OSBP2: variants seen among roughly 807,000 people sequenced by gnomAD.
OSBP2 encodes the protein oxysterol-binding protein 2.
In OSBP2, 66 loss-of-function variants were observed where a neutral mutation model predicts 96.0. That is an observed-to-expected ratio of 0.69 (90% CI 0.56 to 0.84). The LOEUF (loss-of-function observed/expected upper bound fraction) is 0.84, where lower values mean the gene tolerates loss of function less well. OSBP2 is among the 40% of genes least tolerant of loss of function. The pLI is 0.00. For missense variants in OSBP2, 1,038 were observed against 1,222.7 expected, an observed-to-expected ratio of 0.85 and a Z score of 2.25; for synonymous variants, 525 against 520.9, an observed-to-expected ratio of 1.01 and a Z score of -0.11.
At chr22:30,825,140 C>T (rs2038370470) in intron 2 of OSBP2, among the ~76,000 whole-genome samples, 1 of 152,192 alleles carries the variant, frequency 6.6e-6, no homozygotes. Context: ...TGGCCTTCAG[C>T]CGACTTCTTA....
intron 2 of OSBP2, among the ~76,000 whole-genome samples, chr22:30,782,044 G>T (rs1161260273): frequency 6.6e-6 from 1 of 152,114 alleles, no homozygotes; most frequent in African/African-American, 2.4e-5. Context: ...TATTTGAGAG[G>T]CTGAGGCAGG....
At chr22:30,816,748 T>G (rs2091088786) in intron 2 of OSBP2, among the ~76,000 whole-genome samples, 1 of 152,158 alleles carries the variant, frequency 6.6e-6, no homozygotes, top group Non-Finnish European at 1.5e-5. Context: ...TCTTTTCCTT[T>G]TCTTTTTTGA....
chr22:30,881,395 G>C lies in OSBP2; in HGVS notation c.1108-6031G>C, dbSNP rs1373294783. ...ATGCAGGGCCCAGGTACCACCTCCA[G>C]CTCCCACTAGGACCCCTCACTCTCT... On this transcript the variant is annotated intron_variant, in intron 3 of 13. Transcript: ENST00000332585. The surrounding 1 kb of genome is among the most constrained non-coding windows in gnomAD (Gnocchi z 4.5). Among the ~76,000 whole-genome samples the C allele has an allele frequency of 6.6e-6, 1 of 152,138 alleles. No homozygotes were observed. Among genetic ancestry groups the C allele is most frequent in the African/African-American group, 2.4e-5 (1 of 41,414 alleles).
intron 2 of OSBP2, among the ~76,000 whole-genome samples, chr22:30,859,988 T>C (rs1481931988): frequency 6.6e-6 from 1 of 152,058 alleles, no homozygotes; most frequent in Non-Finnish European, 1.5e-5. Context: ...GGGACAAATG[T>C]GGAGCAAGGG....
At chr22:30,878,062 G>T (rs1325464598) in intron 3 of OSBP2, among the ~76,000 whole-genome samples, 1 of 152,232 alleles carries the variant, frequency 6.6e-6, no homozygotes, top group Non-Finnish European at 1.5e-5. Context: ...CTAAGCAGGG[G>T]CACAGGTGCC....
intron 2 of OSBP2, among the ~76,000 whole-genome samples, chr22:30,794,088 A>G (rs1459962787): frequency 6.6e-6 from 1 of 151,980 alleles, no homozygotes; most frequent in Non-Finnish European, 1.5e-5. Flanking sequence ...CAAGCCAGGC[A>G]TGGTGGCTCA....
intron 2 of OSBP2, among the ~76,000 whole-genome samples, chr22:30,750,339 C>A (rs1338312312): frequency 6.6e-6 from 1 of 152,130 alleles, no homozygotes; most frequent in Non-Finnish European, 1.5e-5. Context: ...TGCTTAGTTG[C>A]TGGGAGGATT....
intron 2 of OSBP2, among the ~76,000 whole-genome samples, chr22:30,805,853 C>G (rs1430783932): frequency 6.6e-6 from 1 of 152,146 alleles, no homozygotes; most frequent in Non-Finnish European, 1.5e-5. Context: ...AGAATGGAGC[C>G]TAGATGCCAA....
intron 1 of OSBP2, among the ~76,000 whole-genome samples, chr22:30,739,023 A>G (rs1309632057): frequency 6.6e-6 from 1 of 152,246 alleles, no homozygotes; most frequent in Non-Finnish European, 1.5e-5. Context: ...ATGCTGGCCA[A>G]TCACTCTTCC....
chr22:30,834,593 C>T (rs1377148894), intron 2 of OSBP2, among the ~76,000 whole-genome samples: 2 of 152,124 alleles, frequency 1.3e-5, no homozygotes, highest in Non-Finnish European at 2.9e-5. Flanking sequence ...TTGCATTTCT[C>T]TAATAACTGA....
chr22:30,751,036 C>G (rs918052908), intron 2 of OSBP2, among the ~76,000 whole-genome samples: 1 of 152,120 alleles, frequency 6.6e-6, no homozygotes, highest in African/African-American at 2.4e-5. Context: ...CCACTGCACC[C>G]GGCCTCTATT....
chr22:30,891,438 G>T (rs2039945558), intron 8 of OSBP2, among the ~76,000 whole-genome samples: 1 of 152,200 alleles, frequency 6.6e-6, no homozygotes. Context: ...CCAGGCCCAG[G>T]AGCCTCAGCA....
In OSBP2 at chr22:30,888,331, AG is replaced by A. The variant is rs1569167202; in HGVS notation, c.1411del (p.Glu471LysfsTer24). ...TSFITVITEA[K>X]EDSRKAEGST... ...TTCATCACCGTGATCACCGAGGCCA[AG>A]GAAGACAGGTAAGGTGGCTGCAGCT... On this transcript the variant is annotated frameshift_variant, in exon 5 of 14. Transcript: ENST00000332585. LOFTEE classifies it high-confidence loss of function. The A allele has an allele frequency of 6.2e-7, 1 of 1,607,710 alleles. No individual in the cohort carries two copies. The highest frequency in any genetic ancestry group is 2.2e-5 in the East Asian group (1 of 44,868).
intron 3 of OSBP2, among the ~76,000 whole-genome samples, chr22:30,882,534 G>C (rs902849249): frequency 6.6e-6 from 1 of 151,618 alleles, no homozygotes; most frequent in Non-Finnish European, 1.5e-5. Context: ...CTACCTCAGT[G>C]CTTGTAAGAA....
intron 2 of OSBP2, among the ~76,000 whole-genome samples, chr22:30,756,438 C>T (rs1351764956): frequency 6.6e-6 from 1 of 152,130 alleles, no homozygotes; most frequent in African/African-American, 2.4e-5. Flanking sequence ...CCTGTAACCC[C>T]AGCACTTTGA....
intron 1 of OSBP2, among the ~76,000 whole-genome samples, chr22:30,696,031 C>T (rs2089026310): frequency 6.6e-6 from 1 of 152,162 alleles, no homozygotes; most frequent in African/African-American, 2.4e-5. Flanking sequence ...TCCCACCTTT[C>T]CTGATGCCTC....
At chr22:30,852,022 CCA>C (rs1187308229) in intron 2 of OSBP2, among the ~76,000 whole-genome samples, 2 of 152,068 alleles carry the variant, frequency 1.3e-5, no homozygotes, top group Non-Finnish European at 2.9e-5. Flanking sequence ...GAGATAAACC[CCA>C]CTTGTCCATA....
At chr22:30,765,418 A>G (rs1371054299) in intron 2 of OSBP2, among the ~76,000 whole-genome samples, 1 of 152,094 alleles carries the variant, frequency 6.6e-6, no homozygotes, top group African/African-American at 2.4e-5. Context: ...CATGTTGTCC[A>G]GGCTGGTCTT....
intron 2 of OSBP2, among the ~76,000 whole-genome samples, chr22:30,861,931 G>A (rs560880004): frequency 6.6e-6 from 1 of 152,204 alleles, no homozygotes; most frequent in South Asian, 2.1e-4. Context: ...TCCCTGGAGC[G>A]GCATCTTCCT....
Sources: allele counts gnomAD v4.1 joint callset (sites outside exome capture counted in the v4.1 genomes callset), GRCh38; gene constraint gnomAD v4.1.1; non-coding constraint Gnocchi (gnomAD v3.1); transcripts MANE v1.5; gene names NCBI Gene and HGNC (gene_info 2026-07-23, HGNC 2026-07-21).